ABCC4: variants seen among roughly 807,000 people sequenced by gnomAD.
ABCC4 encodes ATP-binding cassette sub-family C member 4.
In ABCC4, 102 loss-of-function variants were observed where a neutral mutation model predicts 168.5. The ratio of observed to expected loss-of-function variants is 0.61; its 90% CI spans 0.52 to 0.71. ABCC4 has a LOEUF of 0.71. Among genes scored for constraint, ABCC4 ranks in the 30% least tolerant of loss-of-function variants. The probability of loss-of-function intolerance (pLI) is 0.00; values close to 1 mark genes in which losing one functional copy is unlikely to be tolerated. For missense variants in ABCC4, 1,402 were observed against 1,605.8 expected, an observed-to-expected ratio of 0.87 and a Z score of 2.17; for synonymous variants, 617 against 590.7, an observed-to-expected ratio of 1.04 and a Z score of -0.65.
chr13:95,152,416 T>C (rs1179435901), intron 19 of ABCC4, among the ~76,000 whole-genome samples: 1 of 152,204 alleles, frequency 6.6e-6, no homozygotes, highest in Non-Finnish European at 1.5e-5. Context: ...AAATATTTAC[T>C]AATCAGATAC....
chr13:95,083,723 A>G (rs1314378612), intron 20 of ABCC4, among the ~76,000 whole-genome samples: 5 of 151,986 alleles, frequency 3.3e-5, no homozygotes, highest in Non-Finnish European at 7.4e-5. Context: ...GTGTTTCACC[A>G]TATTGGCCAG....
chr13:95,213,716 T>C (rs2039028308), intron 4 of ABCC4, among the ~76,000 whole-genome samples: 1 of 152,150 alleles, frequency 6.6e-6, no homozygotes, highest in Admixed American at 6.5e-5. Context: ...GCACTTGGAA[T>C]AAGTTCAGAA....
At chr13:95,169,237 T>A (rs12429339) in intron 14 of ABCC4, among the ~76,000 whole-genome samples, 14,351 of 152,252 alleles carry the variant, frequency 0.094, 793 homozygotes, top group South Asian at 0.18. Flanking sequence ...GCCTAATGTG[T>A]GGCACTTTGT....
chr13:95,278,163 G>C (rs2041018815), intron 1 of ABCC4, among the ~76,000 whole-genome samples: 1 of 152,132 alleles, frequency 6.6e-6, no homozygotes, highest in African/African-American at 2.4e-5. Context: ...ATGCTACCAG[G>C]TTTTTACCAA....
At chr13:95,040,300 C>T (rs535378347) in intron 29 of ABCC4, among the ~76,000 whole-genome samples, 6 of 152,156 alleles carry the variant, frequency 3.9e-5, no homozygotes, top group Non-Finnish European at 8.8e-5. Flanking sequence ...GGCGCGATCT[C>T]GGCTCACTGC....
intron 4 of ABCC4, among the ~76,000 whole-genome samples, chr13:95,213,675 A>T (rs909872429): frequency 9.9e-5 from 15 of 152,180 alleles, no homozygotes; most frequent in African/African-American, 3.6e-4. Context: ...ATGTCTTAGT[A>T]ATAAAGATCT....
chr13:95,137,424 T>C (rs1374644913), intron 19 of ABCC4, among the ~76,000 whole-genome samples: 4 of 152,176 alleles, frequency 2.6e-5, no homozygotes, highest in Admixed American at 1.3e-4. Context: ...CCCATTTAGA[T>C]GGTAGATACT....
intron 3 of ABCC4, 74 bp from the exon 4 acceptor site, chr13:95,234,908 T>C (rs2039723411): frequency 1.8e-6 from 2 of 1,087,014 alleles, no homozygotes; most frequent in Non-Finnish European, 2.6e-6. Flanking sequence ...TTTCTCTTTT[T>C]TCAGATATTG....
In ABCC4 at chr13:95,176,224, AGGGG is replaced by A. The variant is rs1208949213; in HGVS notation, c.1727+1479_1727+1482del. Among the ~76,000 whole-genome samples the A allele has an allele frequency of 1.0e-3, 6 of 5,806 alleles. No individual in the cohort carries two copies. In the East Asian group the frequency reaches 0.012, roughly 12 times the overall value. 3.8% of individuals were successfully genotyped at this position (5,806 alleles called of 152,430 possible). On this transcript the variant is annotated intron_variant, in intron 13 of 30. Transcript: ENST00000645237. ...CTCAGCACTCCAGGAAGCCGAGGGCAGGGGGGGGGGGGGGGGGGGGGTGGATCCC... is the reference window on the plus strand; with the variant it reads ...CTCAGCACTCCAGGAAGCCGAGGGCAGGGGGGGGGGGGGGGGGTGGATCCC...
chr13:95,148,959 G>A (rs1048145373), intron 19 of ABCC4: 1 of 152,180 alleles, frequency 6.6e-6, no homozygotes, highest in African/African-American at 2.4e-5. Context: ...GGAGATGAGA[G>A]TGGTTAGAAC....
intron 19 of ABCC4, among the ~76,000 whole-genome samples, chr13:95,129,821 T>A (rs2035899139): frequency 6.6e-6 from 1 of 152,138 alleles, no homozygotes; most frequent in South Asian, 2.1e-4. Flanking sequence ...ACACCTGTAA[T>A]TCCAGCACTT....
At chr13:95,245,700 C>T (rs1434097678) in intron 3 of ABCC4, among the ~76,000 whole-genome samples, 1 of 152,136 alleles carries the variant, frequency 6.6e-6, no homozygotes, top group African/African-American at 2.4e-5. Flanking sequence ...CTGGCCAAAA[C>T]ACCTTTGTCA....
At chr13:95,056,233 A>G (rs1482539690) in intron 26 of ABCC4, among the ~76,000 whole-genome samples, 3 of 152,184 alleles carry the variant, frequency 2.0e-5, no homozygotes, top group African/African-American at 7.2e-5. Flanking sequence ...GCTAGCCACA[A>G]CTGCTGCTGC....
intron 4 of ABCC4, among the ~76,000 whole-genome samples, chr13:95,211,251 A>G (rs3782965): frequency 0.76 from 115,203 of 152,080 alleles, 44,247 homozygotes; most frequent in Non-Finnish European, 0.84. Flanking sequence ...TCAATGGGAA[A>G]TGACAAATAT....
intron 14 of ABCC4, among the ~76,000 whole-genome samples, chr13:95,167,177 CATAAATAAATAAATAAATAA>C (rs57260755): frequency 6.3e-5 from 9 of 143,452 alleles, no homozygotes; most frequent in African/African-American, 1.6e-4. Context: ...AACTCCATCT[CATAAATAAATAAATAAATAA>C]ATAAATAAAT....
chr13:95,180,108 A>G (rs1333952970), intron 11 of ABCC4, among the ~76,000 whole-genome samples: 2 of 152,200 alleles, frequency 1.3e-5, no homozygotes, highest in African/African-American at 4.8e-5. Flanking sequence ...CTGGCAGCCC[A>G]CTAAGACACA....
At chr13:95,199,323 G>A (rs1408735757) in intron 8 of ABCC4, among the ~76,000 whole-genome samples, 2 of 152,042 alleles carry the variant, frequency 1.3e-5, no homozygotes, top group East Asian at 1.9e-4. Flanking sequence ...ATCCACGAGA[G>A]GCAAGGAAGA....
chr13:95,213,608 G>A (rs114102733), intron 4 of ABCC4, among the ~76,000 whole-genome samples: 1 of 100,326 alleles, frequency 1.0e-5, no homozygotes, highest in Non-Finnish European at 2.1e-5. Context: ...GCCGCCCGAG[G>A]AGAGGAAGGA....
intron 4 of ABCC4, among the ~76,000 whole-genome samples, chr13:95,216,904 A>C (rs932310358): frequency 6.6e-6 from 1 of 152,220 alleles, no homozygotes; most frequent in African/African-American, 2.4e-5. Context: ...ATCTGTCCAA[A>C]TGTTTAGCTT....
Sources: allele counts gnomAD v4.1 joint callset (sites outside exome capture counted in the v4.1 genomes callset), GRCh38; gene constraint gnomAD v4.1.1; transcripts MANE v1.5; gene names NCBI Gene and HGNC (gene_info 2026-07-23, HGNC 2026-07-21).